Variants in ETV6 observed in about 807,000 individuals in gnomAD.
ETV6 encodes the protein transcription factor ETV6.
A neutral mutation model predicts 51.1 loss-of-function variants in ETV6; 16 were observed. That is an observed-to-expected ratio of 0.31 (90% CI 0.21 to 0.48). The LOEUF (loss-of-function observed/expected upper bound fraction) is 0.48, where lower values mean the gene tolerates loss of function less well. ETV6 is among the 20% of genes least tolerant of loss of function. The pLI is 0.99. For missense variants in ETV6, 458 were observed against 594.8 expected (o/e 0.77, Z 2.39); for synonymous variants, 240 against 224.1 (o/e 1.07, Z -0.64).
At chr12:11,690,544 T>C (rs1457512326) in intron 1 of ETV6, among the ~76,000 whole-genome samples, 1 of 151,944 alleles carries the variant, frequency 6.6e-6, no homozygotes, top group Non-Finnish European at 1.5e-5. Context: ...TGAGCTATGA[T>C]TGTACCACCG....
chr12:11,824,034 G>A (rs571671748), intron 2 of ETV6, among the ~76,000 whole-genome samples: 22 of 152,284 alleles, frequency 1.4e-4, no homozygotes, highest in Admixed American at 1.3e-3. Flanking sequence ...ACCCAGCAGC[G>A]ATTCACTAGG....
At chr12:11,738,213 C>G (rs1001691822) in intron 1 of ETV6, among the ~76,000 whole-genome samples, 3 of 143,050 alleles carry the variant, frequency 2.1e-5, no homozygotes, top group African/African-American at 7.5e-5. Context: ...TCCTTCCTTC[C>G]TTCCTTCCTT....
chr12:11,741,808 A>G (rs977342058), intron 1 of ETV6, among the ~76,000 whole-genome samples: 2 of 152,252 alleles, frequency 1.3e-5, no homozygotes, highest in African/African-American at 4.8e-5. Flanking sequence ...ATCCTTTAAC[A>G]TATGTCTTGA....
At chr12:11,736,760 T>C (rs1488085788) in intron 1 of ETV6, among the ~76,000 whole-genome samples, 1 of 152,138 alleles carries the variant, frequency 6.6e-6, no homozygotes, top group Non-Finnish European at 1.5e-5. Flanking sequence ...GGCTGGCAGC[T>C]TGTAGCAAGA....
At chr12:11,758,844 C>T (rs76472197) in intron 2 of ETV6, among the ~76,000 whole-genome samples, 6,030 of 152,292 alleles carry the variant, frequency 0.04, 292 homozygotes, top group African/African-American at 0.11. Flanking sequence ...TCTAACAAAG[C>T]CGACCAGCCA....
At chr12:11,751,060 A>G (rs1270215140) in intron 1 of ETV6, among the ~76,000 whole-genome samples, 1 of 152,124 alleles carries the variant, frequency 6.6e-6, no homozygotes, top group Non-Finnish European at 1.5e-5. Flanking sequence ...AAATATTCCA[A>G]CTGCCCTACT....
At chr12:11,813,317 C>T (rs563975492) in intron 2 of ETV6, among the ~76,000 whole-genome samples, 43 of 152,310 alleles carry the variant, frequency 2.8e-4, no homozygotes, top group African/African-American at 9.4e-4. Flanking sequence ...CCTCCCTCTG[C>T]CGGCCTTTGG....
At chr12:11,837,609 A>G (rs1452798092) in intron 2 of ETV6, among the ~76,000 whole-genome samples, 1 of 152,242 alleles carries the variant, frequency 6.6e-6, no homozygotes, top group Non-Finnish European at 1.5e-5. Flanking sequence ...TGCCTGGTTT[A>G]GGATGAAAGG....
intron 1 of ETV6, among the ~76,000 whole-genome samples, chr12:11,748,854 G>A (rs1865956062): frequency 6.6e-6 from 1 of 152,084 alleles, no homozygotes. Flanking sequence ...CAGTCCTTAC[G>A]CTTTCAAGAG....
chr12:11,705,255 T>C (rs1865053273), intron 1 of ETV6, among the ~76,000 whole-genome samples: 1 of 152,202 alleles, frequency 6.6e-6, no homozygotes, highest in Non-Finnish European at 1.5e-5. Flanking sequence ...ACATGCTAGC[T>C]CCGGGAAACA....
intron 2 of ETV6, among the ~76,000 whole-genome samples, chr12:11,805,092 G>A (rs1348072016): frequency 6.6e-6 from 1 of 152,162 alleles, no homozygotes; most frequent in Non-Finnish European, 1.5e-5. Flanking sequence ...GCAGGTTGCT[G>A]GGCTGGGGGA....
chr12:11,700,756 T>C (rs1203104272), intron 1 of ETV6, among the ~76,000 whole-genome samples: 1 of 152,160 alleles, frequency 6.6e-6, no homozygotes, highest in East Asian at 1.9e-4. Context: ...TTGAGTAGGC[T>C]GAAGAGGGCT....
chr12:11,762,443 G>T (rs372192057), intron 2 of ETV6, among the ~76,000 whole-genome samples: 8 of 152,176 alleles, frequency 5.3e-5, no homozygotes, highest in African/African-American at 1.4e-4. Flanking sequence ...TCTGGAGATG[G>T]TATCCACTGG....
chr12:11,839,350 T>C (rs1392955571), intron 3 of ETV6, 46 bp downstream of exon 3: 8 of 1,572,780 alleles, frequency 5.1e-6, no homozygotes, highest in Non-Finnish European at 6.9e-6. Flanking sequence ...GAAAGTCTCT[T>C]AGTTAGTGGT....
chr12:11,839,238 G>A lies in ETV6; in HGVS notation c.262G>A (p.Glu88Lys). The A allele has an allele frequency of 6.2e-7, 1 of 1,614,244 alleles. No individual in the cohort carries two copies. The highest frequency in any genetic ancestry group is 8.5e-7 in the Non-Finnish European group (1 of 1,180,036). ...AAGGCCAATTGACAGCAACACGTTT[G>A]AAATGAATGGCAAAGCTCTCCTGCT... ...SLRPIDSNTFEMNGKALLLLT... is the reference protein window; with the variant it reads ...SLRPIDSNTFKMNGKALLLLT... Residue 88 changes from glutamate to lysine, a missense_variant, in exon 3 of 8, where the codon GAA (glutamate) becomes AAA (lysine). By Grantham distance (56) the Glu-to-Lys change is moderately conservative. This residue lies in a region of ETV6 where 26 missense variants were observed against 52.1 expected (regional missense o/e 0.50). Coordinates refer to ENST00000396373, the MANE Select transcript of ETV6 (RefSeq NM_001987.5).
At chr12:11,751,508 TTGCAC>T (rs2121063066) in intron 1 of ETV6, 8 of 511,118 alleles carry the variant, frequency 1.6e-5, no homozygotes, top group South Asian at 1.1e-4. Context: ...AAGCTACAAA[TTGCAC>T]TGCTGTTTTG....
chr12:11,839,097 A>G lies in ETV6; in HGVS notation c.164-43A>G, dbSNP rs555612142. 1.6e-5 allele frequency: 26 copies of G among 1,589,434 alleles called. No homozygotes were observed. In the Admixed American group the frequency reaches 2.4e-4, roughly 15 times the overall value. ...CTTTATTCCAGCTGTCTAACTGACA[A>G]GACCTTTCTCTCTTTCTTTCTGCCT... On this transcript the variant is annotated intron_variant, in intron 2 of 7. Coordinates refer to ENST00000396373, the MANE Select transcript of ETV6 (RefSeq NM_001987.5).
intron 2 of ETV6, among the ~76,000 whole-genome samples, chr12:11,819,622 G>A (rs534799915): frequency 3.3e-5 from 5 of 152,274 alleles, no homozygotes; most frequent in Non-Finnish European, 7.3e-5. Context: ...TGAGATGGGC[G>A]GGCCCCTCTA....
At chr12:11,859,478 T>G (rs1425673452) in intron 4 of ETV6, among the ~76,000 whole-genome samples, 1 of 152,130 alleles carries the variant, frequency 6.6e-6, no homozygotes, top group Non-Finnish European at 1.5e-5. Context: ...TAGCTAACAT[T>G]TATTGGGTCC....
Sources: allele counts gnomAD v4.1 joint callset (sites outside exome capture counted in the v4.1 genomes callset), GRCh38; gene constraint gnomAD v4.1.1; regional missense constraint gnomAD v4.1.1; transcripts MANE v1.5; gene names NCBI Gene and HGNC (gene_info 2026-07-23, HGNC 2026-07-21).